HSD17B12: variants seen among roughly 807,000 people sequenced by gnomAD.
The protein encoded by HSD17B12 is hydroxysteroid 17-beta dehydrogenase 12, also known as very-long-chain 3-oxoacyl-CoA reductase.
Under a neutral mutation model 39.3 loss-of-function variants are expected in HSD17B12, and 32 were observed. That is an observed-to-expected ratio of 0.81 (90% CI 0.61 to 1.09). The LOEUF (loss-of-function observed/expected upper bound fraction) is 1.09, where lower values mean the gene tolerates loss of function less well. HSD17B12 is among the 50% of genes least tolerant of loss of function. HSD17B12 has a pLI of 0.00. For missense variants in HSD17B12, 342 were observed against 382.9 expected, an observed-to-expected ratio of 0.89 and a Z score of 0.89; for synonymous variants, 150 against 146.7, an observed-to-expected ratio of 1.02 and a Z score of -0.16.
intron 1 of HSD17B12, among the ~76,000 whole-genome samples, chr11:43,691,376 G>C (rs1378242269): frequency 1.3e-5 from 2 of 152,138 alleles, no homozygotes; most frequent in Non-Finnish European, 2.9e-5. Context: ...AATTTCTCAG[G>C]TTTACTCTGT....
intron 6 of HSD17B12, among the ~76,000 whole-genome samples, chr11:43,825,071 C>T (rs1211491414): frequency 6.6e-6 from 1 of 151,522 alleles, no homozygotes; most frequent in African/African-American, 2.4e-5. Flanking sequence ...GCAGAGGTTG[C>T]AGTGGGCCAA....
At chr11:43,634,246 A>G in the HSD17B12 span, among the ~76,000 whole-genome samples, 2 of 152,114 alleles carry the variant, frequency 1.3e-5, no homozygotes, top group Non-Finnish European at 2.9e-5. Context: ...CTTCCCTACC[A>G]AAGGATGAGG....
chr11:43,609,656 C>A, the HSD17B12 span, among the ~76,000 whole-genome samples: 2 of 152,042 alleles, frequency 1.3e-5, no homozygotes, highest in African/African-American at 4.8e-5. Context: ...AGACATGAGC[C>A]ACTGTGCATA....
chr11:43,616,428 A>AAAAAAC, the HSD17B12 span, among the ~76,000 whole-genome samples: 1 of 150,746 alleles, frequency 6.6e-6, no homozygotes, highest in African/African-American at 2.4e-5. Flanking sequence ...CAAAAAACAA[A>AAAAAAC]AAAAAAACAA....
chr11:43,825,407 G>C (rs1951225121), intron 6 of HSD17B12, among the ~76,000 whole-genome samples: 1 of 152,146 alleles, frequency 6.6e-6, no homozygotes, highest in Non-Finnish European at 1.5e-5. Flanking sequence ...TTTGCCTCTG[G>C]CATGTGACAC....
intron 1 of HSD17B12, among the ~76,000 whole-genome samples, chr11:43,745,593 T>C (rs1266907646): frequency 6.6e-6 from 1 of 152,228 alleles, no homozygotes; most frequent in Non-Finnish European, 1.5e-5. Flanking sequence ...CTAGGTTATA[T>C]GGTATGGCCT....
At chr11:43,801,628 A>ATATG (rs1554969006) in intron 4 of HSD17B12, among the ~76,000 whole-genome samples, 174 of 20,886 alleles carry the variant, frequency 8.3e-3, no homozygotes, top group African/African-American at 0.017. Flanking sequence ...ATATATATAT[A>ATATG]TATGTATATG....
chr11:43,668,833 G>A, the HSD17B12 span, among the ~76,000 whole-genome samples: 9 of 151,782 alleles, frequency 5.9e-5, no homozygotes, highest in African/African-American at 2.2e-4. Flanking sequence ...CGACCAGTGT[G>A]TGCCACCATG....
At chr11:43,584,859 G>C in the HSD17B12 span, among the ~76,000 whole-genome samples, 8 of 152,336 alleles carry the variant, frequency 5.3e-5, no homozygotes, top group African/African-American at 1.9e-4. Context: ...GAAGGACACA[G>C]TACCTACCGC....
Position 43,855,437 on chromosome 11 carries a change from C to A in HSD17B12, c.*189C>A. 2.7e-6 allele frequency: 1 copy of A among 369,172 alleles called. No homozygotes were observed. 22.9% of individuals were successfully genotyped at this position (369,172 alleles called of 1,614,324 possible). ...TTCTGACATATATTCTGGATACTAT[C>A]CGAGGTAATTTTGAAGTTTAATATA... On this transcript the variant is annotated 3_prime_UTR_variant, in exon 11 of 11. Transcript: ENST00000278353.
chr11:43,676,203 A>G (rs1157736733), upstream of HSD17B12, among the ~76,000 whole-genome samples: 1 of 55,296 alleles, frequency 1.8e-5, no homozygotes, highest in Non-Finnish European at 3.6e-5. Context: ...TGAAAAGAGG[A>G]AGAGGGTGTG....
At chr11:43,576,981 G>A in the HSD17B12 span, among the ~76,000 whole-genome samples, 559 of 152,178 alleles carry the variant, frequency 3.7e-3, 4 homozygotes, top group African/African-American at 0.013. Flanking sequence ...CGATTTAATG[G>A]GCCATATCTC....
intron 1 of HSD17B12, among the ~76,000 whole-genome samples, chr11:43,696,873 A>T (rs1949916717): frequency 6.6e-6 from 1 of 152,178 alleles, no homozygotes; most frequent in Non-Finnish European, 1.5e-5. Context: ...GACATGGATG[A>T]AACTGGAAGT....
chr11:43,746,707 A>G (rs1388976946), intron 1 of HSD17B12, among the ~76,000 whole-genome samples: 5 of 152,212 alleles, frequency 3.3e-5, no homozygotes, highest in Non-Finnish European at 7.3e-5. Context: ...ATCGAGCACT[A>G]TATGTTATAT....
the HSD17B12 span, among the ~76,000 whole-genome samples, chr11:43,612,718 T>C: frequency 3.5e-3 from 529 of 152,206 alleles, 4 homozygotes; most frequent in East Asian, 0.032. Flanking sequence ...AAGAAGATGA[T>C]GCATAAGAAA....
chr11:43,681,364 GT>G (rs1949742762), intron 1 of HSD17B12: 1 of 180,210 alleles, frequency 5.5e-6, no homozygotes. Context: ...CCTTGTAAGT[GT>G]TTTTAAAATA....
At chr11:43,707,883 A>G (rs1950030123) in intron 1 of HSD17B12, among the ~76,000 whole-genome samples, 1 of 152,228 alleles carries the variant, frequency 6.6e-6, no homozygotes, top group African/African-American at 2.4e-5. Flanking sequence ...TGGCTGAAAC[A>G]AAACAAATTT....
chr11:43,712,611 A>G (rs1222020235), intron 1 of HSD17B12, among the ~76,000 whole-genome samples: 1 of 152,110 alleles, frequency 6.6e-6, no homozygotes, highest in East Asian at 1.9e-4. Flanking sequence ...TAACCAATGT[A>G]AATCTTACGT....
the HSD17B12 span, among the ~76,000 whole-genome samples, chr11:43,593,126 C>T: frequency 1.3e-5 from 2 of 152,332 alleles, no homozygotes; most frequent in African/African-American, 4.8e-5. Context: ...TTTGCACACA[C>T]ATGTGCACAT....
Sources: gnomAD v4.1 joint callset for allele counts (sites outside exome capture counted in the v4.1 genomes callset) on GRCh38, gnomAD v4.1.1 for gene constraint, MANE v1.5 for transcripts, NCBI Gene and HGNC (gene_info 2026-07-23, HGNC 2026-07-21) for gene names.